KIAA1217: variants seen among roughly 807,000 people sequenced by gnomAD.
The protein encoded by KIAA1217 is KIAA1217, also known as sickle tail protein homolog.
KIAA1217 carries 88 observed loss-of-function variants against 163.9 expected under a neutral mutation model. The ratio of observed to expected loss-of-function variants is 0.54; its 90% CI spans 0.45 to 0.64. The LOEUF (loss-of-function observed/expected upper bound fraction) is 0.64, where lower values mean the gene tolerates loss of function less well. Ranked by LOEUF, KIAA1217 falls within the 30% of genes least tolerant of loss-of-function variation. The pLI, the probability that KIAA1217 is intolerant of heterozygous loss-of-function variation, is 0.00. For synonymous variants in KIAA1217, 903 were observed against 923.1 expected (o/e 0.98, Z 0.39); for missense variants, 2,372 against 2,475.0 (o/e 0.96, Z 0.88).
chr10:23,883,297 A>T (rs1841031831), intron 1 of KIAA1217, among the ~76,000 whole-genome samples: 2 of 151,914 alleles, frequency 1.3e-5, no homozygotes, highest in South Asian at 4.1e-4. Flanking sequence ...AGACTAGAGA[A>T]TCTCTCAGAT....
intron 2 of KIAA1217, among the ~76,000 whole-genome samples, chr10:24,083,537 C>T (rs757768836): frequency 3.9e-5 from 6 of 152,164 alleles, no homozygotes; most frequent in Non-Finnish European, 8.8e-5. Context: ...TTCATATATA[C>T]ACATACATAT....
chr10:23,826,640 C>T (rs984573163), intron 1 of KIAA1217, among the ~76,000 whole-genome samples: 1 of 152,106 alleles, frequency 6.6e-6, no homozygotes, highest in African/African-American at 2.4e-5. Context: ...GTTCAAGTAG[C>T]GGACGGCCAG....
chr10:24,136,987 A>C (rs989023927), intron 2 of KIAA1217, among the ~76,000 whole-genome samples: 2 of 152,234 alleles, frequency 1.3e-5, no homozygotes, highest in African/African-American at 4.8e-5. Flanking sequence ...CAGGGTCCAA[A>C]GTAGAGAATC....
rs577209941 is a variant in KIAA1217 at position 24,082,019 on chromosome 10, A to T, written c.-171+74645A>T. 5.9e-5 allele frequency among the ~76,000 whole-genome samples: 9 copies of T among 152,250 alleles called. No individual in the cohort carries two copies. The South Asian group carries it at 1.9e-3, about 32-fold the overall frequency. On this transcript the variant is annotated intron_variant, in intron 2 of 18. Transcript: ENST00000376462. ...AAATCTGCTAACCAGTTAAGATGGGACTCAATCTGGCATTCATGTCGCTGG... is the reference window on the plus strand; with the variant it reads ...AAATCTGCTAACCAGTTAAGATGGGTCTCAATCTGGCATTCATGTCGCTGG...
chr10:24,058,029 A>G (rs2131594684), intron 2 of KIAA1217, among the ~76,000 whole-genome samples: 1 of 152,280 alleles, frequency 6.6e-6, no homozygotes, highest in East Asian at 1.9e-4. Flanking sequence ...TTATAGTTTC[A>G]GGTCTTATGT....
Position 24,286,453 on chromosome 10 carries a change from T to TGTAC in KIAA1217, c.354+66544_354+66545insGTAC, listed in dbSNP as rs2078548511. Among the ~76,000 whole-genome samples, 8 of 151,166 alleles carry TGTAC rather than the reference T, an allele frequency of 5.3e-5. No individual in the cohort carries two copies. In the South Asian group the frequency reaches 1.7e-3, roughly 32 times the overall value. Reference sequence around the variant, plus strand: ...ACACACACACACACGCATATATATATATACACACACACACACACATACACA... The same window carrying TGTAC: ...ACACACACACACACGCATATATATATGTACATACACACACACACACACATACACA... On this transcript the variant is annotated intron_variant, in intron 2 of 20. Transcript: ENST00000376454.
intron 2 of KIAA1217, among the ~76,000 whole-genome samples, chr10:24,194,151 C>T (rs2066865354): frequency 6.6e-6 from 1 of 152,084 alleles, no homozygotes; most frequent in Non-Finnish European, 1.5e-5. Context: ...CACACCCCTG[C>T]ACTCCAGCCT....
intron 2 of KIAA1217, among the ~76,000 whole-genome samples, chr10:24,096,404 T>A (rs968378907): frequency 1.3e-5 from 2 of 152,168 alleles, no homozygotes; most frequent in African/African-American, 4.8e-5. Flanking sequence ...CTCCTCCTAT[T>A]TAGTCACCCA....
At chr10:23,930,578 G>T (rs1297304950) in intron 1 of KIAA1217, among the ~76,000 whole-genome samples, 1 of 152,128 alleles carries the variant, frequency 6.6e-6, no homozygotes, top group Non-Finnish European at 1.5e-5. Flanking sequence ...AAGATAATTG[G>T]CAGGGCCTTT....
At chr10:24,214,813 C>T (rs762013237) in intron 1 of KIAA1217, among the ~76,000 whole-genome samples, 10 of 152,206 alleles carry the variant, frequency 6.6e-5, no homozygotes, top group Non-Finnish European at 1.2e-4. Flanking sequence ...CTGTGGCCTA[C>T]CTAATCTTGA....
intron 1 of KIAA1217, among the ~76,000 whole-genome samples, chr10:23,893,927 C>A (rs1841544257): frequency 6.6e-6 from 1 of 151,838 alleles, no homozygotes; most frequent in South Asian, 2.1e-4. Flanking sequence ...AGGCCTTTGA[C>A]AAAATTCAAC....
chr10:24,152,998 G>C (rs961505313), intron 2 of KIAA1217, among the ~76,000 whole-genome samples: 11 of 152,194 alleles, frequency 7.2e-5, no homozygotes, highest in Admixed American at 7.2e-4. Flanking sequence ...AAGTCTACAA[G>C]AAGAACCTAT....
At chr10:23,735,268 C>T (rs1459459030) in intron 1 of KIAA1217, among the ~76,000 whole-genome samples, 1 of 151,894 alleles carries the variant, frequency 6.6e-6, no homozygotes, top group African/African-American at 2.4e-5. Context: ...GAGTCTAGCT[C>T]TCTCTCCGGG....
chr10:24,005,040 G>A (rs2131473096), intron 1 of KIAA1217, among the ~76,000 whole-genome samples: 1 of 152,332 alleles, frequency 6.6e-6, no homozygotes, highest in South Asian at 2.1e-4. Flanking sequence ...ACATAGAATT[G>A]TGAACTATTA....
intron 2 of KIAA1217, among the ~76,000 whole-genome samples, chr10:24,328,348 G>A (rs2045218663): frequency 6.6e-6 from 1 of 152,116 alleles, no homozygotes; most frequent in African/African-American, 2.4e-5. Context: ...TCATGGGTGA[G>A]GGGTCTGACA....
chr10:23,939,039 C>T (rs564231524), intron 1 of KIAA1217, among the ~76,000 whole-genome samples: 2 of 152,152 alleles, frequency 1.3e-5, no homozygotes, highest in African/African-American at 4.8e-5. Context: ...ATATTTGTAT[C>T]AAGAAAGACA....
chr10:24,112,728 G>T (rs2062897744), intron 2 of KIAA1217, among the ~76,000 whole-genome samples: 1 of 152,056 alleles, frequency 6.6e-6, no homozygotes, highest in African/African-American at 2.4e-5. Flanking sequence ...GGGACTACAG[G>T]CGCTCGCCCC....
rs565833596 is a variant in KIAA1217 at position 24,494,743 on chromosome 10, G to A, written c.1784+139G>A. The stretch of plus-strand genomic sequence containing the variant: ...ATTCACATCTCTATGGATCATGGGC[G>A]TTATTTTTTTGTTTTGGGGGGTTTG... On this transcript the variant is annotated intron_variant, in intron 7 of 20. Transcript: ENST00000376454. 7.7e-5 allele frequency: 53 copies of A among 686,778 alleles called. 1 individual carries two copies. The highest frequency in any genetic ancestry group is 2.2e-4 in the African/African-American group (12 of 54,856). 42.5% of individuals were successfully genotyped at this position (686,778 alleles called of 1,614,324 possible).
intron 2 of KIAA1217, among the ~76,000 whole-genome samples, chr10:24,071,889 C>T (rs1482746464): frequency 6.6e-6 from 1 of 152,042 alleles, no homozygotes; most frequent in African/African-American, 2.4e-5. Context: ...TAGAAAATAA[C>T]AAAAATAATA....
Sources: allele counts gnomAD v4.1 joint callset (sites outside exome capture counted in the v4.1 genomes callset), GRCh38; gene constraint gnomAD v4.1.1; transcripts MANE v1.5; gene names NCBI Gene and HGNC (gene_info 2026-07-23, HGNC 2026-07-21).